ARAP2: variants seen among roughly 807,000 people sequenced by gnomAD.
ARAP2 encodes ArfGAP with RhoGAP domain, ankyrin repeat and PH domain 2.
In ARAP2, 148 loss-of-function variants were observed where a neutral mutation model predicts 194.5. The observed-to-expected ratio is 0.76, with a 90% CI of 0.67 to 0.87. The LOEUF is 0.87. Among genes scored for constraint, ARAP2 ranks in the 40% least tolerant of loss-of-function variants. ARAP2 has a pLI of 0.00. For synonymous variants in ARAP2, 695 were observed against 683.5 expected, an observed-to-expected ratio of 1.02 and a Z score of -0.26; for missense variants, 2,128 against 1,989.7, an observed-to-expected ratio of 1.07 and a Z score of -1.32.
Position 36,067,802 on chromosome 4 carries a change from A to G in ARAP2, c.*105T>C, listed in dbSNP as rs1157839715. The G allele has an allele frequency of 5.7e-5, 77 of 1,361,398 alleles. No individual in the cohort carries two copies. Among genetic ancestry groups the G allele is most frequent in the Non-Finnish European group, 7.1e-5 (72 of 1,019,402 alleles). 84.3% of individuals were successfully genotyped at this position (1,361,398 alleles called of 1,614,324 possible). On this transcript the variant is annotated 3_prime_UTR_variant, in exon 33 of 33. Coordinates refer to ENST00000303965, the MANE Select transcript of ARAP2 (RefSeq NM_015230.4). ...TAAGCATAGACAAATTTGCCTATCA[A>G]TAGGCAAATTCTTATGAATTATCTT...
chr4:36,073,104 A>G (rs1337227396), intron 32 of ARAP2, among the ~76,000 whole-genome samples: 2 of 152,154 alleles, frequency 1.3e-5, no homozygotes, highest in African/African-American at 4.8e-5. Context: ...TAAACAGCCT[A>G]TGTTCTTTGC....
At chr4:36,087,804 T>C (rs1712305663) in intron 28 of ARAP2, among the ~76,000 whole-genome samples, 1 of 152,134 alleles carries the variant, frequency 6.6e-6, no homozygotes, top group Non-Finnish European at 1.5e-5. Context: ...ACTAAGGTAA[T>C]ACAAATGTTA....
chr4:36,187,429 A>T (rs1740819905), intron 8 of ARAP2, 22 bp downstream of exon 8: 4 of 1,303,128 alleles, frequency 3.1e-6, no homozygotes. Context: ...TGTATTTCAT[A>T]TGGATAAATA....
chr4:36,124,043 A>G (rs1297313829), intron 22 of ARAP2, among the ~76,000 whole-genome samples: 3 of 151,900 alleles, frequency 2.0e-5, no homozygotes, highest in South Asian at 4.1e-4. Context: ...AATGTGGACT[A>G]TATTTGTATG....
intron 6 of ARAP2, among the ~76,000 whole-genome samples, chr4:36,202,446 C>G (rs1472401037): frequency 6.6e-6 from 1 of 151,724 alleles, no homozygotes; most frequent in Non-Finnish European, 1.5e-5. Flanking sequence ...AAAAAAGTAT[C>G]TTCAATCTCA....
Position 36,060,701 on chromosome 4 carries a change from G to A in ARAP2, n.148-2558C>T, listed in dbSNP as rs971923504. Among the ~76,000 whole-genome samples the A allele has an allele frequency of 3.3e-5, 5 of 152,184 alleles. No individual in the cohort carries two copies. The East Asian group carries it at 5.8e-4, about 18-fold the overall frequency. On this transcript the variant is annotated intron_variant and non_coding_transcript_variant, in intron 1 of 12. Coordinates refer to the ARAP2 transcript ENST00000503225. Reference sequence around the variant, plus strand: ...AGGGCTGGAAGTCCAAGATCAAGATGTCAGCAGGTTTGTTTTCTTATAAGG... The same window carrying A: ...AGGGCTGGAAGTCCAAGATCAAGATATCAGCAGGTTTGTTTTCTTATAAGG...
At chr4:36,088,773 C>G (rs1041414562) in intron 28 of ARAP2, among the ~76,000 whole-genome samples, 2 of 152,084 alleles carry the variant, frequency 1.3e-5, no homozygotes, top group Non-Finnish European at 2.9e-5. Flanking sequence ...ACAGAAGCCA[C>G]AGAACAAGAC....
In ARAP2 at chr4:36,110,545, T is replaced by C. The variant is rs546404593; in HGVS notation, c.4157-2852A>G. Among the ~76,000 whole-genome samples the C allele has an allele frequency of 9.9e-4, 151 of 152,024 alleles. 2 individuals are homozygous for C. Among genetic ancestry groups the C allele is most frequent in the African/African-American group, 3.5e-3 (145 of 41,530 alleles). On this transcript the variant is annotated intron_variant, in intron 26 of 32. Coordinates refer to ENST00000303965, the MANE Select transcript of ARAP2 (RefSeq NM_015230.4). ...GGGTCTACATTGGCAGAGGATGGGT[T>C]CGGATTTAAGGTAAAGCATTAAAAT...
chr4:36,147,247 G>A (rs368523380), intron 19 of ARAP2, 49 bp downstream of exon 19: 30 of 1,517,436 alleles, frequency 2.0e-5, no homozygotes, highest in African/African-American at 1.8e-4. Flanking sequence ...ACAAAATCCC[G>A]CTGCCCAGAG....
At chr4:36,193,693 C>T in intron 6 of ARAP2, 46 bp from the exon 7 acceptor site, 2 of 1,373,982 alleles carry the variant, frequency 1.5e-6, no homozygotes, top group Non-Finnish European at 2.0e-6. Flanking sequence ...GTAACATGAA[C>T]TTAGATTGTT....
rs765181677 is a variant in ARAP2, at chr4:36,228,910, C to G, written c.577G>C (p.Glu193Gln). 11 of 1,613,792 alleles carry G rather than the reference C, an allele frequency of 6.8e-6. No homozygotes were observed. The highest frequency in any genetic ancestry group is 1.6e-4 in the Middle Eastern group (1 of 6,082). Residue 193 changes from glutamate to glutamine, a missense_variant, in exon 2 of 33, where the codon GAA becomes CAA. Coordinates refer to ENST00000303965, the MANE Select transcript of ARAP2 (RefSeq NM_015230.4). ...AATTTAACTTTTTCTGTTTGTTGTT[C>G]TTCAACTGTGTGATCCACAGTCTTC... is the stretch of plus-strand genomic sequence containing the variant. ...TKKTVDHTVE[E>Q]QQTEKVKLIT...
Position 36,216,098 on chromosome 4 carries a change from C to A in ARAP2, c.906-1618G>T, listed in dbSNP as rs905229250. Among the ~76,000 whole-genome samples the A allele has an allele frequency of 3.1e-3, 439 of 140,834 alleles. 3 individuals are homozygous for A. The highest frequency in any genetic ancestry group is 0.011 in the African/African-American group (401 of 37,778). The allele number at this position is 140,834 out of a possible 152,430, so 92.4% of individuals were successfully genotyped here. ...CCATCTCTACAAAAAAAAAAAAAAA[C>A]AACGAAAATTAGCTGGGTGTGGTGG... On this transcript the variant is annotated intron_variant, in intron 2 of 32. Coordinates refer to ENST00000303965, the MANE Select transcript of ARAP2 (RefSeq NM_015230.4).
chr4:36,210,325 T>C, intron 6 of ARAP2, 65 bp downstream of exon 6: 1 of 1,435,322 alleles, frequency 7.0e-7, no homozygotes, highest in Non-Finnish European at 9.4e-7. Flanking sequence ...CCTGGAGGTT[T>C]AGAAATGAAT....
rs73125326 is a variant in ARAP2 at position 36,132,536 on chromosome 4, T to A, written c.3427+690A>T. On this transcript the variant is annotated intron_variant, in intron 20 of 32. Transcript: ENST00000303965. ...GTCAAGAAATTTACAGTCTGAAAGA[T>A]ATATGCAACAAAAGGAATTTGAAGA... 7.1e-3 allele frequency among the ~76,000 whole-genome samples: 1,077 copies of A among 151,858 alleles called. 17 individuals carry two copies. The highest frequency in any genetic ancestry group is 0.025 in the African/African-American group (1,020 of 41,488).
chr4:36,111,002 G>A (rs1719831865), intron 26 of ARAP2, among the ~76,000 whole-genome samples: 1 of 151,680 alleles, frequency 6.6e-6, no homozygotes, highest in Non-Finnish European at 1.5e-5. Flanking sequence ...TTTTTAATGA[G>A]TACAATAGGT....
intron 30 of ARAP2, among the ~76,000 whole-genome samples, chr4:36,080,605 G>A (rs1174919043): frequency 3.9e-5 from 6 of 152,166 alleles, no homozygotes; most frequent in African/African-American, 1.4e-4. Context: ...GTAAAACACT[G>A]TATTCCACTA....
chr4:36,242,902 T>C (rs1280824094), intron 1 of ARAP2, among the ~76,000 whole-genome samples: 1 of 152,202 alleles, frequency 6.6e-6, no homozygotes, highest in African/African-American at 2.4e-5. Flanking sequence ...ACCCTCTTCG[T>C]GTTAGGAACC....
At chr4:36,214,502 T>C in intron 2 of ARAP2, 22 bp from the exon 3 acceptor site, 1 of 1,525,230 alleles carries the variant, frequency 6.6e-7, no homozygotes, top group Non-Finnish European at 9.0e-7. Context: ...AAGGAGAAAA[T>C]ACTTATGAGT....
chr4:36,154,010 T>C (rs1368874592), intron 15 of ARAP2, among the ~76,000 whole-genome samples: 1 of 152,104 alleles, frequency 6.6e-6, no homozygotes, highest in African/African-American at 2.4e-5. Context: ...CTCCATGCAA[T>C]TGGGTTCTGA....
Sources: allele counts gnomAD v4.1 joint callset (sites outside exome capture counted in the v4.1 genomes callset), GRCh38; gene constraint gnomAD v4.1.1; transcripts MANE v1.5; gene names NCBI Gene and HGNC (gene_info 2026-07-23, HGNC 2026-07-21).